Variants in FNBP1L observed in about 807,000 individuals in gnomAD.
FNBP1L encodes formin-binding protein 1-like.
A neutral mutation model predicts 91.2 loss-of-function variants in FNBP1L; 36 were observed. The ratio of observed to expected loss-of-function variants is 0.39; its 90% confidence interval spans 0.30 to 0.52. The LOEUF is 0.52. Ranked by LOEUF, FNBP1L falls within the 20% of genes least tolerant of loss-of-function variation. The pLI is 0.66. For synonymous variants in FNBP1L, 242 were observed against 237.0 expected, an observed-to-expected ratio of 1.02 and a Z score of -0.19; for missense variants, 571 against 732.1, an observed-to-expected ratio of 0.78 and a Z score of 2.54.
At chr1:93,545,781 A>G (rs1318064242) in intron 12 of FNBP1L, among the ~76,000 whole-genome samples, 1 of 152,002 alleles carries the variant, frequency 6.6e-6, no homozygotes, top group African/African-American at 2.4e-5. Context: ...TAAAAGAATC[A>G]TTTCAAAGCC....
intron 10 of FNBP1L, 41 bp downstream of exon 10, chr1:93,536,531 T>C: frequency 6.7e-7 from 1 of 1,491,968 alleles, no homozygotes; most frequent in Middle Eastern, 1.7e-4. Flanking sequence ...TGGCCTATTG[T>C]GTGTGTAGTG....
chr1:93,468,612 G>A (rs894193355), intron 1 of FNBP1L, among the ~76,000 whole-genome samples: 1 of 152,076 alleles, frequency 6.6e-6, no homozygotes. Flanking sequence ...TATATTTTTG[G>A]TAGAGATGGG....
chr1:93,510,759 A>T (rs997255959), intron 2 of FNBP1L, among the ~76,000 whole-genome samples: 9 of 152,176 alleles, frequency 5.9e-5, no homozygotes, highest in African/African-American at 2.2e-4. Context: ...GAAGTGCTTA[A>T]AGGAGCTGAT....
intron 1 of FNBP1L, among the ~76,000 whole-genome samples, chr1:93,479,044 C>G (rs912279259): frequency 2.6e-5 from 4 of 152,170 alleles, no homozygotes; most frequent in African/African-American, 9.7e-5. Context: ...GGAACCCACC[C>G]CAATATTTCA....
intron 1 of FNBP1L, among the ~76,000 whole-genome samples, chr1:93,461,209 T>C (rs1298521643): frequency 1.3e-5 from 2 of 152,174 alleles, no homozygotes; most frequent in African/African-American, 2.4e-5. Context: ...TTTTGCTTGT[T>C]TACGCTGGAG....
chr1:93,456,602 C>CAA lies in FNBP1L; in HGVS notation c.24+8317_24+8318dup, dbSNP rs60167572. Among the ~76,000 whole-genome samples the CAA allele has an allele frequency of 3.1e-3, 163 of 53,316 alleles. 1 individual carries two copies. The highest frequency in any genetic ancestry group is 0.011 in the East Asian group (18 of 1,636). 35.0% of individuals were successfully genotyped at this position (53,316 alleles called of 152,430 possible). On this transcript the variant is annotated intron_variant, in intron 1 of 16. Transcript: ENST00000271234. ...CAAGATGGTGAAACCCCTTCTCTACCAAAAAAAAAAAAAAAAAAAAAGCAA... is the reference window on the plus strand; with the variant it reads ...CAAGATGGTGAAACCCCTTCTCTACCAAAAAAAAAAAAAAAAAAAAAAAGCAA...
At chr1:93,467,458 A>C (rs1669128785) in intron 1 of FNBP1L, among the ~76,000 whole-genome samples, 1 of 152,176 alleles carries the variant, frequency 6.6e-6, no homozygotes, top group Admixed American at 6.5e-5. Flanking sequence ...AAGGAAGTAG[A>C]ATGATGGTTG....
chr1:93,535,696 T>C (rs1671824604), intron 9 of FNBP1L, among the ~76,000 whole-genome samples: 1 of 152,028 alleles, frequency 6.6e-6, no homozygotes, highest in Non-Finnish European at 1.5e-5. Flanking sequence ...AGCACAATTA[T>C]AATTAACTCA....
intron 1 of FNBP1L, among the ~76,000 whole-genome samples, chr1:93,455,174 C>T (rs993514760): frequency 3.9e-5 from 6 of 152,278 alleles, no homozygotes; most frequent in South Asian, 2.1e-4. Flanking sequence ...GTGGTCCACC[C>T]GCCTCGGCCT....
chr1:93,513,915 G>C (rs1403045023), intron 2 of FNBP1L, among the ~76,000 whole-genome samples: 2 of 152,124 alleles, frequency 1.3e-5, no homozygotes, highest in African/African-American at 4.8e-5. Context: ...GGAAGTTCTG[G>C]CCAGGGCAAT....
At chr1:93,475,672 T>C (rs564091747) in intron 1 of FNBP1L, among the ~76,000 whole-genome samples, 1 of 152,324 alleles carries the variant, frequency 6.6e-6, no homozygotes, top group South Asian at 2.1e-4. Flanking sequence ...AAATGTTAGA[T>C]AAATAAGCTG....
intron 12 of FNBP1L, among the ~76,000 whole-genome samples, chr1:93,546,108 C>T (rs975214350): frequency 2.6e-5 from 4 of 151,726 alleles, no homozygotes; most frequent in South Asian, 4.2e-4. Flanking sequence ...TAGGAAGAGA[C>T]GAGAAGAAAC....
intron 12 of FNBP1L, among the ~76,000 whole-genome samples, chr1:93,545,640 A>G (rs1461614833): frequency 1.3e-5 from 2 of 152,150 alleles, no homozygotes; most frequent in African/African-American, 2.4e-5. Flanking sequence ...GTGATAAAAG[A>G]TAATTGAAAA....
At chr1:93,531,031 C>T in intron 7 of FNBP1L, 148 bp downstream of exon 7, 1 of 653,094 alleles carries the variant, frequency 1.5e-6, no homozygotes, top group Non-Finnish European at 2.4e-6. Flanking sequence ...GATTTGAAAA[C>T]AAGTGTTTTC....
intron 2 of FNBP1L, among the ~76,000 whole-genome samples, chr1:93,502,188 A>G (rs1557795230): frequency 6.6e-6 from 1 of 152,210 alleles, no homozygotes; most frequent in Non-Finnish European, 1.5e-5. Flanking sequence ...GAAGAGGTCT[A>G]GAAGAGTACA....
At position 93,544,171 on chromosome 1, in the gene FNBP1L, G is replaced by GC. The variant is rs867654205; in HGVS notation, c.1230dup (p.Ile411HisfsTer2). The GC allele has an allele frequency of 6.2e-7, 1 of 1,611,640 alleles. No homozygotes were observed. On this transcript the variant is annotated frameshift_variant, in exon 12 of 17. Transcript: ENST00000271234. LOFTEE classifies it high-confidence loss of function. ...CAGAGACGTAAAAAACTACAGCAGCGCATTGATGAACTTAACAGAGAACTA... is the reference window on the plus strand; with the variant it reads ...CAGAGACGTAAAAAACTACAGCAGCGCCATTGATGAACTTAACAGAGAACTA...
At chr1:93,536,611 G>A in intron 10 of FNBP1L, 121 bp downstream of exon 10, 1 of 846,090 alleles carries the variant, frequency 1.2e-6, no homozygotes, top group Non-Finnish European at 1.6e-6. Context: ...AAACACCACA[G>A]AATTAAGAAT....
intron 14 of FNBP1L, among the ~76,000 whole-genome samples, 187 bp from the exon 15 acceptor site, chr1:93,549,091 C>T (rs1319825564): frequency 6.6e-6 from 1 of 151,752 alleles, no homozygotes; most frequent in Non-Finnish European, 1.5e-5. Context: ...TCAGGAAATT[C>T]AGCAAAGCAG....
intron 4 of FNBP1L, among the ~76,000 whole-genome samples, chr1:93,524,013 GGAAATT>G (rs1284852199): frequency 6.6e-6 from 1 of 151,916 alleles, no homozygotes; most frequent in African/African-American, 2.4e-5. Flanking sequence ...TTATTTTTCT[GGAAATT>G]GTATCTGTTT....
Sources: allele counts gnomAD v4.1 joint callset (sites outside exome capture counted in the v4.1 genomes callset), GRCh38; gene constraint gnomAD v4.1.1; transcripts MANE v1.5; gene names NCBI Gene and HGNC (gene_info 2026-07-23, HGNC 2026-07-21).